Variants in RGL1 observed in about 807,000 individuals in gnomAD.
The protein encoded by RGL1 is ral guanine nucleotide dissociation stimulator like 1.
RGL1 carries 24 observed loss-of-function variants against 95.2 expected under a neutral mutation model. The ratio of observed to expected loss-of-function variants is 0.25; its 90% confidence interval spans 0.18 to 0.35. The LOEUF (loss-of-function observed/expected upper bound fraction) is 0.35, where lower values mean the gene tolerates loss of function less well. Among genes scored for constraint, RGL1 ranks in the 10% least tolerant of loss-of-function variants. The pLI, the probability that RGL1 is intolerant of heterozygous loss-of-function variation, is 1.00. For missense variants in RGL1, 715 were observed against 936.3 expected (o/e 0.76, Z 3.08); for synonymous variants, 329 against 344.9 (o/e 0.95, Z 0.51).
intron 3 of RGL1, among the ~76,000 whole-genome samples, chr1:183,855,176 C>T (rs1038456201): frequency 6.6e-6 from 1 of 152,138 alleles, no homozygotes; most frequent in African/African-American, 2.4e-5. Context: ...GTGAACATTG[C>T]CCAGCCTCTG....
At chr1:183,890,943 C>G (rs1190103495) in intron 8 of RGL1, among the ~76,000 whole-genome samples, 1 of 152,076 alleles carries the variant, frequency 6.6e-6, no homozygotes, top group Non-Finnish European at 1.5e-5. Flanking sequence ...GGACTGTATA[C>G]TTCAATGATA....
chr1:183,780,316 A>T (rs867796176), intron 2 of RGL1, among the ~76,000 whole-genome samples: 1 of 152,206 alleles, frequency 6.6e-6, no homozygotes, highest in African/African-American at 2.4e-5. Context: ...GGATTGAGGG[A>T]TACAGGATGT....
intron 2 of RGL1, among the ~76,000 whole-genome samples, chr1:183,756,211 A>C (rs946446793): frequency 1.6e-4 from 23 of 143,302 alleles, no homozygotes; most frequent in Admixed American, 9.1e-4. Context: ...TTTTTCTTTG[A>C]GATGGAGTCT....
At chr1:183,742,086 CA>C in intron 1 of RGL1, 1 of 1,536,254 alleles carries the variant, frequency 6.5e-7, no homozygotes, top group Non-Finnish European at 8.9e-7. Flanking sequence ...TAATGTTACC[CA>C]TTGTTTTAAC....
intron 2 of RGL1, among the ~76,000 whole-genome samples, chr1:183,794,848 C>T (rs912521400): frequency 1.3e-5 from 2 of 152,198 alleles, no homozygotes; most frequent in Admixed American, 1.3e-4. Flanking sequence ...CTCATTTTCT[C>T]AGTGTCTCAG....
rs190724959 is a variant in RGL1 at position 183,883,444 on chromosome 1, G to A, written c.611-342G>A. Among the ~76,000 whole-genome samples the A allele has an allele frequency of 2.8e-4, 42 of 152,322 alleles. No individual in the cohort carries two copies. The East Asian group carries it at 7.9e-3, about 29-fold the overall frequency. The stretch of plus-strand genomic sequence containing the variant: ...TTGCATGGTTGGGGTTTAGGAGTTA[G>A]TTGGATTAGTCCTGGAGCTGATCTG... On this transcript the variant is annotated intron_variant, in intron 5 of 17. Coordinates refer to ENST00000360851, the MANE Select transcript of RGL1 (RefSeq NM_001297671.3).
chr1:183,892,037 A>G (rs773588500), intron 8 of RGL1, 40 bp from the exon 9 acceptor site: 4 of 1,514,204 alleles, frequency 2.6e-6, no homozygotes, highest in East Asian at 2.3e-5. Flanking sequence ...GGTTATTCCT[A>G]ACTCTTCATT....
chr1:183,901,655 G>A (rs538708347), intron 11 of RGL1, among the ~76,000 whole-genome samples: 1 of 150,032 alleles, frequency 6.7e-6, no homozygotes, highest in Non-Finnish European at 1.5e-5. Flanking sequence ...CTCTCTCTCT[G>A]TCTCTCTCTC....
At chr1:183,739,586 A>T (rs12031860) in intron 1 of RGL1, among the ~76,000 whole-genome samples, 4,056 of 152,290 alleles carry the variant, frequency 0.027, 67 homozygotes, top group East Asian at 0.08. Flanking sequence ...GAAGCTCAAG[A>T]TATATTGTAC....
In RGL1 at chr1:183,847,685, G is replaced by A. The variant is rs1190615908; in HGVS notation, c.258G>A (p.Gly86=). ...TGGAGAACCTGCTGACAGCTTTTGG[G>A]GACAATGACTTTACCTATATCAGCA... ...KLVENLLTAF[G]DNDFTYISIF... The change falls in exon 3 of 18, where the codon GGG becomes GGA. Residue 86 remains glycine (G), a synonymous_variant. Coordinates refer to ENST00000360851, the MANE Select transcript of RGL1 (RefSeq NM_001297671.3). 5 of 1,614,066 alleles carry A rather than the reference G, an allele frequency of 3.1e-6. No individual in the cohort carries two copies. In the South Asian group the frequency reaches 3.3e-5, roughly 11 times the overall value.
At chr1:183,720,771 G>C (rs936172883) in intron 1 of RGL1, among the ~76,000 whole-genome samples, 1 of 152,138 alleles carries the variant, frequency 6.6e-6, no homozygotes, top group Non-Finnish European at 1.5e-5. Context: ...GTGAGTTAAG[G>C]GTGACTTGGT....
intron 4 of RGL1, among the ~76,000 whole-genome samples, chr1:183,874,848 C>T (rs542503489): frequency 4.7e-4 from 71 of 152,292 alleles, no homozygotes; most frequent in Non-Finnish European, 1.2e-4. Context: ...CAGCTTCTAT[C>T]TGGCAACCTT....
At chr1:183,787,163 C>G (rs148347559) in intron 2 of RGL1, among the ~76,000 whole-genome samples, 2 of 152,172 alleles carry the variant, frequency 1.3e-5, no homozygotes, top group African/African-American at 2.4e-5. Flanking sequence ...ATTGGGCGCC[C>G]TCCTTCCCAG....
chr1:183,670,718 AT>A (rs1652383280), intron 1 of RGL1, among the ~76,000 whole-genome samples: 1 of 152,138 alleles, frequency 6.6e-6, no homozygotes, highest in South Asian at 2.1e-4. Context: ...AGAGTTGTTG[AT>A]TTTTCAGTCT....
chr1:183,922,179 C>A (rs762613809), intron 16 of RGL1, 43 bp from the exon 17 acceptor site: 2 of 1,521,156 alleles, frequency 1.3e-6, no homozygotes, highest in African/African-American at 1.4e-5. Context: ...CCTCAGGAAA[C>A]GTGAAGCTAA....
chr1:183,710,727 C>T (rs1158909173), intron 1 of RGL1, among the ~76,000 whole-genome samples: 2 of 152,166 alleles, frequency 1.3e-5, no homozygotes, highest in African/African-American at 4.8e-5. Flanking sequence ...TATCAGATCT[C>T]ATGAGAACTC....
chr1:183,758,340 G>A (rs1658470707), intron 2 of RGL1, among the ~76,000 whole-genome samples: 1 of 152,088 alleles, frequency 6.6e-6, no homozygotes, highest in Admixed American at 6.5e-5. Flanking sequence ...GGGACTACGG[G>A]CGCCTGCCAC....
rs78189973 is a variant in RGL1 at position 183,681,686 on chromosome 1, T to A, written c.-33+45185T>A. Reference sequence around the variant, plus strand: ...CGTTGGTATCAGGATGATGCTGGCCTCACAAAATGAGTTACGGAGGAGTTC... The same window carrying A: ...CGTTGGTATCAGGATGATGCTGGCCACACAAAATGAGTTACGGAGGAGTTC... On this transcript the variant is annotated intron_variant, in intron 1 of 18. Transcript: ENST00000304685. 7.2e-5 allele frequency among the ~76,000 whole-genome samples: 11 copies of A among 152,372 alleles called. No individual in the cohort carries two copies. The South Asian group carries it at 1.0e-3, about 14-fold the overall frequency.
intron 2 of RGL1, among the ~76,000 whole-genome samples, chr1:183,795,289 C>T (rs987747014): frequency 5.3e-5 from 8 of 152,194 alleles, no homozygotes; most frequent in African/African-American, 1.9e-4. Flanking sequence ...CTGACATTAC[C>T]CATGCTTTGA....
Sources: allele counts gnomAD v4.1 joint callset (sites outside exome capture counted in the v4.1 genomes callset), GRCh38; gene constraint gnomAD v4.1.1; transcripts MANE v1.5; gene names NCBI Gene and HGNC (gene_info 2026-07-23, HGNC 2026-07-21).